The following LHCGR variants were observed in gnomAD, a reference collection of about 807,000 sequenced individuals.
The protein encoded by LHCGR is lutropin-choriogonadotropic hormone receptor.
A neutral mutation model predicts 60.7 loss-of-function variants in LHCGR; 55 were observed. That is an observed-to-expected ratio of 0.91 (90% CI 0.73 to 1.13). The LOEUF is 1.13. Among genes scored for constraint, LHCGR ranks in the 50% most tolerant of loss-of-function variants. The probability of loss-of-function intolerance (pLI) is 0.00; values close to 1 mark genes in which losing one functional copy is unlikely to be tolerated. For missense variants in LHCGR, 862 were observed against 836.0 expected, an observed-to-expected ratio of 1.03 and a Z score of -0.38; for synonymous variants, 337 against 316.5, an observed-to-expected ratio of 1.06 and a Z score of -0.69.
Position 48,694,796 on chromosome 2 carries a change from G to A in LHCGR, c.867-492C>T, listed in dbSNP as rs558479469. On this transcript the variant is annotated intron_variant, in intron 9 of 10. Coordinates refer to ENST00000294954, the MANE Select transcript of LHCGR (RefSeq NM_000233.4). ...TTTTCTTATGTGCAGAAACATACGTGGGTGCTCCCTACTCCTCCATCTTTC... is the reference window on the plus strand; with the variant it reads ...TTTTCTTATGTGCAGAAACATACGTAGGTGCTCCCTACTCCTCCATCTTTC... Among the ~76,000 whole-genome samples the A allele has an allele frequency of 2.3e-3, 356 of 152,100 alleles. 1 individual carries two copies. The highest frequency in any genetic ancestry group is 4.5e-3 in the Non-Finnish European group (306 of 67,958).
chr2:48,747,964 G>A (rs1280936991), intron 1 of LHCGR, among the ~76,000 whole-genome samples: 1 of 152,144 alleles, frequency 6.6e-6, no homozygotes, highest in East Asian at 1.9e-4. Context: ...GTCTCTCTAA[G>A]CTGGCCAGAA....
intron 9 of LHCGR, among the ~76,000 whole-genome samples, chr2:48,695,619 C>G (rs1326198107): frequency 6.6e-6 from 1 of 152,112 alleles, no homozygotes. Context: ...CATTGCTATG[C>G]TATTCACAAA....
intron 10 of LHCGR, 68 bp downstream of exon 10, chr2:48,694,156 G>T: frequency 1.1e-6 from 1 of 933,398 alleles, no homozygotes. Flanking sequence ...GAAAATAATT[G>T]ATGCTGATAA....
intron 1 of LHCGR, among the ~76,000 whole-genome samples, chr2:48,752,637 T>G (rs1472496121): frequency 1.3e-5 from 2 of 152,160 alleles, no homozygotes; most frequent in African/African-American, 2.4e-5. Flanking sequence ...AGGATTTCAG[T>G]ATGAACCTGT....
At chr2:48,727,303 C>T (rs1668780727) in intron 3 of LHCGR, among the ~76,000 whole-genome samples, 1 of 151,994 alleles carries the variant, frequency 6.6e-6, no homozygotes, top group Non-Finnish European at 1.5e-5. Flanking sequence ...AATTTTGGGG[C>T]CTGACCTTAG....
At chr2:48,740,892 C>T (rs1432786243) in intron 1 of LHCGR, among the ~76,000 whole-genome samples, 10 of 152,224 alleles carry the variant, frequency 6.6e-5, no homozygotes, top group East Asian at 1.9e-4. Context: ...CAAATTACTC[C>T]GAGCTACGGG....
chr2:48,700,566 G>T (rs1463013265), intron 8 of LHCGR, among the ~76,000 whole-genome samples: 1 of 152,180 alleles, frequency 6.6e-6, no homozygotes, highest in Non-Finnish European at 1.5e-5. Context: ...CAGTGGGTTG[G>T]TTGTGTTTTG....
chr2:48,749,760 C>T (rs538703821), intron 1 of LHCGR, among the ~76,000 whole-genome samples: 1 of 150,310 alleles, frequency 6.7e-6, no homozygotes, highest in East Asian at 2.0e-4. Context: ...CAAGGAATTA[C>T]TACTCTCCAA....
At chr2:48,722,724 C>A (rs991558228) in intron 6 of LHCGR, among the ~76,000 whole-genome samples, 3 of 152,126 alleles carry the variant, frequency 2.0e-5, no homozygotes, top group African/African-American at 7.2e-5. Context: ...GCAAAGCCTG[C>A]AGAATTGTGA....
At chr2:48,718,858 C>T (rs1004581208) in intron 6 of LHCGR, among the ~76,000 whole-genome samples, 1 of 152,200 alleles carries the variant, frequency 6.6e-6, no homozygotes, top group African/African-American at 2.4e-5. Flanking sequence ...TCTGGGGGTT[C>T]ATAGTCTCTA....
At chr2:48,748,571 A>G (rs1163054455) in intron 1 of LHCGR, among the ~76,000 whole-genome samples, 3 of 152,190 alleles carry the variant, frequency 2.0e-5, no homozygotes, top group Non-Finnish European at 4.4e-5. Context: ...CATTTTCTCT[A>G]ATTAACACCT....
At chr2:48,738,017 T>A (rs1669275018) in intron 1 of LHCGR, among the ~76,000 whole-genome samples, 1 of 152,234 alleles carries the variant, frequency 6.6e-6, no homozygotes, top group African/African-American at 2.4e-5. Flanking sequence ...ATCAGTACTG[T>A]TCATTTGGAT....
intron 8 of LHCGR, among the ~76,000 whole-genome samples, chr2:48,702,904 C>G (rs1667484096): frequency 6.6e-6 from 1 of 152,186 alleles, no homozygotes; most frequent in South Asian, 2.1e-4. Flanking sequence ...TAAAAGTGTT[C>G]CTATTCCTCC....
At chr2:48,741,683 T>G (rs971713469) in intron 1 of LHCGR, among the ~76,000 whole-genome samples, 22 of 151,146 alleles carry the variant, frequency 1.5e-4, no homozygotes, top group Non-Finnish European at 3.1e-4. Context: ...AAAGAGCTCC[T>G]GAAGGAAGCG....
rs900416458 is a variant in LHCGR at position 48,742,771 on chromosome 2, C to A, written c.162-11473G>T. Among the ~76,000 whole-genome samples the A allele has an allele frequency of 3.3e-5, 5 of 152,082 alleles. No individual in the cohort carries two copies. The South Asian group carries it at 8.3e-4, about 25-fold the overall frequency. On this transcript the variant is annotated intron_variant, in intron 1 of 10. Transcript: ENST00000294954. The stretch of plus-strand genomic sequence containing the variant: ...ATCCAAAATTGACACCCTAACATCA[C>A]AATTAAAAGAACTAGAAAAGCAAGA...
chr2:48,714,143 TA>T (rs1277864109), intron 6 of LHCGR, 89 bp from the exon 7 acceptor site: 1 of 864,398 alleles, frequency 1.2e-6, no homozygotes, highest in African/African-American at 1.7e-5. Context: ...CATATATTAC[TA>T]AGGTTATTAC....
At chr2:48,740,608 C>G (rs925282024) in intron 1 of LHCGR, among the ~76,000 whole-genome samples, 75 of 152,052 alleles carry the variant, frequency 4.9e-4, no homozygotes, top group Admixed American at 4.6e-4. Flanking sequence ...GCCGGGTACT[C>G]CAACAGACCT....
intron 8 of LHCGR, among the ~76,000 whole-genome samples, chr2:48,701,051 G>C (rs1667382297): frequency 6.6e-6 from 1 of 152,080 alleles, no homozygotes; most frequent in African/African-American, 2.4e-5. Flanking sequence ...CACAGTCAGG[G>C]CTCAACAGTG....
intron 8 of LHCGR, among the ~76,000 whole-genome samples, chr2:48,702,911 C>T (rs1314387776): frequency 6.6e-6 from 1 of 152,180 alleles, no homozygotes; most frequent in Non-Finnish European, 1.5e-5. Flanking sequence ...GTTCCTATTC[C>T]TCCACATCCT....
Sources: gnomAD v4.1 joint callset for allele counts (sites outside exome capture counted in the v4.1 genomes callset) on GRCh38, gnomAD v4.1.1 for gene constraint, MANE v1.5 for transcripts, NCBI Gene and HGNC (gene_info 2026-07-23, HGNC 2026-07-21) for gene names.